RNF38: variants seen among roughly 807,000 people sequenced by gnomAD.
RNF38 encodes E3 ubiquitin-protein ligase RNF38.
RNF38 carries 15 observed loss-of-function variants against 67.2 expected under a neutral mutation model. The ratio of observed to expected loss-of-function variants is 0.22; its 90% confidence interval spans 0.15 to 0.34. The LOEUF (loss-of-function observed/expected upper bound fraction) is 0.34, where lower values mean the gene tolerates loss of function less well. Ranked by LOEUF, RNF38 falls within the 10% of genes least tolerant of loss-of-function variation. The pLI is 1.00. For synonymous variants in RNF38, 220 were observed against 218.8 expected (o/e 1.01, Z -0.05); for missense variants, 524 against 639.9 (o/e 0.82, Z 1.95).
intron 1 of RNF38, among the ~76,000 whole-genome samples, chr9:36,461,721 T>G (rs774731640): frequency 1.3e-5 from 2 of 152,036 alleles, no homozygotes; most frequent in Non-Finnish European, 1.5e-5. Context: ...AAGAATGTGG[T>G]GGGGAGTGGT....
chr9:36,405,091 G>A (rs1334425974), upstream of RNF38, among the ~76,000 whole-genome samples: 3 of 151,906 alleles, frequency 2.0e-5, no homozygotes, highest in South Asian at 2.1e-4. Context: ...ATGGTGAAAC[G>A]CCATCTCTAC....
intron 3 of RNF38, among the ~76,000 whole-genome samples, chr9:36,370,945 G>A (rs770537709): frequency 1.3e-4 from 20 of 151,924 alleles, no homozygotes; most frequent in Non-Finnish European, 2.6e-4. Flanking sequence ...GCTTATTGAA[G>A]CAACCCACAT....
At chr9:36,352,871 A>C (rs766767073) in intron 7 of RNF38, 23 bp from the exon 8 acceptor site, 1 of 1,499,120 alleles carries the variant, frequency 6.7e-7, no homozygotes, top group Middle Eastern at 1.7e-4. Flanking sequence ...AAATGTTAAG[A>C]TTTAGAATCA....
At chr9:36,430,369 G>C (rs1838902045) in intron 1 of RNF38, among the ~76,000 whole-genome samples, 1 of 152,076 alleles carries the variant, frequency 6.6e-6, no homozygotes, top group African/African-American at 2.4e-5. Flanking sequence ...ACCACGCCTG[G>C]CTAATTTTTT....
intron 2 of RNF38, among the ~76,000 whole-genome samples, chr9:36,386,834 G>C (rs544973183): frequency 6.0e-4 from 92 of 152,276 alleles, no homozygotes; most frequent in African/African-American, 2.1e-3. Flanking sequence ...AGGTAGTCTT[G>C]CTCTGTTGCC....
At chr9:36,405,800 C>G (rs1183875618), upstream of RNF38, among the ~76,000 whole-genome samples, 2 of 152,198 alleles carry the variant, frequency 1.3e-5, no homozygotes, top group East Asian at 3.8e-4. Context: ...ATTTCCCAAT[C>G]TTGTGAATTT....
upstream of RNF38, chr9:36,487,669 G>T: frequency 1.4e-6 from 1 of 719,806 alleles, no homozygotes; most frequent in Non-Finnish European, 1.7e-6. Context: ...GGCTCCCGAA[G>T]GGGGAGGAGG....
rs1424066873 is a variant in RNF38 at position 36,338,212 on chromosome 9, CTTT to C, written c.*1537_*1539del. ...AATTTAAACATTGCTGGAAAAATGA[CTTT>C]AAAGTGAATTATGCTCAAAGAACTT... is the stretch of plus-strand genomic sequence containing the variant. On this transcript the variant is annotated 3_prime_UTR_variant, in exon 12 of 12. Transcript: ENST00000259605. The C allele has an allele frequency of 2.0e-5, 3 of 152,134 alleles. No individual in the cohort carries two copies. The highest frequency in any genetic ancestry group is 7.2e-5 in the African/African-American group (3 of 41,434). 9.4% of individuals were successfully genotyped at this position (152,134 alleles called of 1,614,324 possible).
At chr9:36,455,242 G>A (rs1839559463) in intron 1 of RNF38, among the ~76,000 whole-genome samples, 1 of 151,672 alleles carries the variant, frequency 6.6e-6, no homozygotes, top group South Asian at 2.1e-4. Flanking sequence ...CCTGTTTTTA[G>A]TAGAGACGGG....
intron 6 of RNF38, among the ~76,000 whole-genome samples, chr9:36,354,726 C>T (rs1833971678): frequency 1.3e-5 from 2 of 152,214 alleles, no homozygotes; most frequent in African/African-American, 4.8e-5. Flanking sequence ...GCTATTACTA[C>T]ATTTGTGTAC....
At chr9:36,416,745 T>TTTTTTTG (rs1838482890) in intron 2 of RNF38, among the ~76,000 whole-genome samples, 1 of 115,496 alleles carries the variant, frequency 8.7e-6, no homozygotes, top group African/African-American at 3.8e-5. Context: ...CCTCGATATT[T>TTTTTTTG]TTTTTTTTTT....
At chr9:36,393,792 C>A (rs1837320047) in intron 1 of RNF38, among the ~76,000 whole-genome samples, 1 of 152,134 alleles carries the variant, frequency 6.6e-6, no homozygotes, top group African/African-American at 2.4e-5. Flanking sequence ...CCAAGAGATT[C>A]TCTTGCCAAT....
chr9:36,423,001 T>C (rs557561425), intron 2 of RNF38, among the ~76,000 whole-genome samples: 1 of 152,286 alleles, frequency 6.6e-6, no homozygotes, highest in African/African-American at 2.4e-5. Flanking sequence ...ATAACACACT[T>C]AGCAGAAGAA....
At chr9:36,410,268 C>G (rs1587629078) in intron 2 of RNF38, among the ~76,000 whole-genome samples, 1 of 152,092 alleles carries the variant, frequency 6.6e-6, no homozygotes, top group African/African-American at 2.4e-5. Context: ...TTTCCTAAAC[C>G]TAAAGGCAAT....
intron 1 of RNF38, among the ~76,000 whole-genome samples, chr9:36,478,314 G>A (rs1840168677): frequency 6.8e-6 from 1 of 146,530 alleles, no homozygotes; most frequent in Non-Finnish European, 1.5e-5. Flanking sequence ...TGAGGCAGGA[G>A]AATGGCGTGA....
At chr9:36,455,898 A>G (rs1271438990) in intron 1 of RNF38, among the ~76,000 whole-genome samples, 1 of 137,318 alleles carries the variant, frequency 7.3e-6, no homozygotes, top group Non-Finnish European at 1.5e-5. Flanking sequence ...GTGACAGAGC[A>G]AGACTCCACC....
chr9:36,440,023 A>T (rs1306712325), intron 1 of RNF38, among the ~76,000 whole-genome samples: 1 of 152,112 alleles, frequency 6.6e-6, no homozygotes, highest in Non-Finnish European at 1.5e-5. Context: ...AGGTGGGCAG[A>T]TCACTTGAGG....
chr9:36,351,272 A>G (rs1462257442), intron 8 of RNF38, 73 bp from the exon 9 acceptor site: 1 of 973,126 alleles, frequency 1.0e-6, no homozygotes, highest in Non-Finnish European at 1.6e-6. Flanking sequence ...GGGAGGACAG[A>G]GGCCAGTGCT....
Position 36,342,444 on chromosome 9 carries a change from C to T in RNF38, c.1386-20G>A, listed in dbSNP as rs752648617. 14 of 1,457,166 alleles carry T rather than the reference C, an allele frequency of 9.6e-6. No homozygotes were observed. Among genetic ancestry groups the T allele is most frequent in the African/African-American group, 2.8e-5 (2 of 71,886 alleles). 90.3% of individuals were successfully genotyped at this position (1,457,166 alleles called of 1,614,324 possible). A position where few individuals can be genotyped will look rare whatever the true frequency, so the allele number is the denominator to read the frequency against. On this transcript the variant is annotated intron_variant, in intron 10 of 11. Coordinates refer to ENST00000259605, the MANE Select transcript of RNF38 (RefSeq NM_022781.5). ...ACACACCTAAAAAAAGCAAAAAGAT[C>T]ATTTAACCACAAAACCAGATGGTTT...
Sources: gnomAD v4.1 joint callset for allele counts (sites outside exome capture counted in the v4.1 genomes callset) on GRCh38, gnomAD v4.1.1 for gene constraint, MANE v1.5 for transcripts, NCBI Gene and HGNC (gene_info 2026-07-23, HGNC 2026-07-21) for gene names.